MEI4: variants seen among roughly 807,000 people sequenced by gnomAD.
MEI4 encodes meiosis-specific protein MEI4.
MEI4 carries 27 observed loss-of-function variants against 31.4 expected under a neutral mutation model. The ratio of observed to expected loss-of-function variants is 0.86; its 90% CI spans 0.63 to 1.19. The LOEUF (loss-of-function observed/expected upper bound fraction) is 1.19. Among genes scored for constraint, MEI4 ranks in the 50% most tolerant of loss-of-function variants. MEI4 has a pLI of 0.00. For missense variants in MEI4, 329 were observed against 398.9 expected (o/e 0.82, Z 1.49); for synonymous variants, 122 against 145.4 (o/e 0.84, Z 1.16).
intron 1 of MEI4, among the ~76,000 whole-genome samples, chr6:77,687,773 C>A (rs1478324355): frequency 6.6e-6 from 1 of 152,070 alleles, no homozygotes; most frequent in African/African-American, 2.4e-5. Context: ...GGGGATTGCA[C>A]AGAGCTTCCA....
intron 2 of MEI4, among the ~76,000 whole-genome samples, chr6:77,696,199 G>A (rs1766035353): frequency 6.6e-6 from 1 of 152,148 alleles, no homozygotes; most frequent in African/African-American, 2.4e-5. Context: ...ATACAATCAT[G>A]TCATCTGCAA....
At chr6:77,841,617 C>T (rs1770367227) in intron 4 of MEI4, among the ~76,000 whole-genome samples, 1 of 151,732 alleles carries the variant, frequency 6.6e-6, no homozygotes, top group Admixed American at 6.6e-5. Flanking sequence ...GCAGGGATTA[C>T]AGGTGTGAGC....
At chr6:77,778,706 CAAATAAATAAATAAATAAAT>C (rs71546067) in intron 3 of MEI4, among the ~76,000 whole-genome samples, 4 of 145,688 alleles carry the variant, frequency 2.7e-5, no homozygotes, top group Non-Finnish European at 6.0e-5. Flanking sequence ...GACCCTGTCT[CAAATAAATAAATAAATAAAT>C]AAATAAATAA....
intron 4 of MEI4, among the ~76,000 whole-genome samples, chr6:77,911,658 T>C (rs943462580): frequency 6.6e-6 from 1 of 150,714 alleles, no homozygotes; most frequent in South Asian, 2.1e-4. Context: ...TCTCTTTTTA[T>C]AGCTGCAATA....
intron 2 of MEI4, among the ~76,000 whole-genome samples, chr6:77,695,791 T>C (rs968385467): frequency 9.4e-4 from 143 of 152,302 alleles, no homozygotes; most frequent in Middle Eastern, 6.8e-3. Flanking sequence ...TTTTTTCCAA[T>C]TCTGTGAAGA....
intron 3 of MEI4, among the ~76,000 whole-genome samples, chr6:77,815,821 A>G (rs1769675860): frequency 6.6e-6 from 1 of 152,032 alleles, no homozygotes; most frequent in African/African-American, 2.4e-5. Flanking sequence ...CATTTTGGCC[A>G]TCTGATAACT....
chr6:77,668,601 C>T (rs16889294), intron 1 of MEI4, among the ~76,000 whole-genome samples: 12,571 of 152,126 alleles, frequency 0.083, 717 homozygotes, highest in East Asian at 0.22. Flanking sequence ...CACTTGGCAG[C>T]CAATGAAGAG....
At chr6:77,794,825 A>G (rs1486163034) in intron 3 of MEI4, among the ~76,000 whole-genome samples, 8 of 152,198 alleles carry the variant, frequency 5.3e-5, no homozygotes, top group African/African-American at 1.9e-4. Context: ...TCTTCACGAT[A>G]GATTATATGC....
chr6:77,779,794 T>C (rs1410050499), intron 3 of MEI4, among the ~76,000 whole-genome samples: 1 of 152,194 alleles, frequency 6.6e-6, no homozygotes, highest in African/African-American at 2.4e-5. Context: ...GAACATGGCA[T>C]GCAGATGGCT....
chr6:77,746,881 T>C (rs1446260154), intron 2 of MEI4, among the ~76,000 whole-genome samples: 1 of 152,110 alleles, frequency 6.6e-6, no homozygotes, highest in Non-Finnish European at 1.5e-5. Flanking sequence ...ACATAAATTG[T>C]GTATTTTTAT....
intron 3 of MEI4, among the ~76,000 whole-genome samples, chr6:77,767,464 G>A (rs1178661309): frequency 6.6e-6 from 1 of 152,084 alleles, no homozygotes; most frequent in Non-Finnish European, 1.5e-5. Flanking sequence ...GGAGGCCGAG[G>A]CAGGCAGATC....
chr6:77,735,669 G>C (rs944697646), intron 2 of MEI4, among the ~76,000 whole-genome samples: 1 of 152,036 alleles, frequency 6.6e-6, no homozygotes, highest in African/African-American at 2.4e-5. Flanking sequence ...TTGTTCCATT[G>C]CTGGTGAGGA....
At chr6:77,704,456 G>A (rs991648142) in intron 2 of MEI4, among the ~76,000 whole-genome samples, 1 of 152,190 alleles carries the variant, frequency 6.6e-6, no homozygotes, top group African/African-American at 2.4e-5. Context: ...TAAATGGAAT[G>A]GGGTTCCTAT....
At chr6:77,714,771 C>T (rs1766542974) in intron 2 of MEI4, among the ~76,000 whole-genome samples, 2 of 152,192 alleles carry the variant, frequency 1.3e-5, no homozygotes, top group Non-Finnish European at 1.5e-5. Flanking sequence ...GTGCCCTCAT[C>T]TGTGCTTCTT....
chr6:77,744,095 A>G (rs1039041286), intron 2 of MEI4, among the ~76,000 whole-genome samples: 6 of 152,236 alleles, frequency 3.9e-5, no homozygotes, highest in Admixed American at 6.5e-5. Flanking sequence ...GTTCCTCACC[A>G]GCAATGGAAC....
intron 4 of MEI4, among the ~76,000 whole-genome samples, chr6:77,916,041 G>C (rs528876388): frequency 6.6e-6 from 1 of 151,956 alleles, no homozygotes; most frequent in Admixed American, 6.6e-5. Context: ...GCTTGACCTA[G>C]TTGATTGAAG....
At chr6:77,849,727 G>C (rs765145237) in intron 4 of MEI4, among the ~76,000 whole-genome samples, 1 of 152,082 alleles carries the variant, frequency 6.6e-6, no homozygotes, top group African/African-American at 2.4e-5. Context: ...GATATTTAGC[G>C]GTGCCTGGAA....
At chr6:77,778,136 G>A (rs377468221) in intron 3 of MEI4, among the ~76,000 whole-genome samples, 3 of 150,882 alleles carry the variant, frequency 2.0e-5, no homozygotes, top group Admixed American at 1.3e-4. Context: ...AAGAGAGTGC[G>A]GGGCGGGGGG....
At chr6:77,711,811 T>C (rs199905112) in intron 2 of MEI4, among the ~76,000 whole-genome samples, 1 of 152,194 alleles carries the variant, frequency 6.6e-6, no homozygotes, top group Non-Finnish European at 1.5e-5. Flanking sequence ...CTTTAAAAAA[T>C]TAGAAATAGT....
Sources: allele counts gnomAD v4.1 joint callset (sites outside exome capture counted in the v4.1 genomes callset), GRCh38; gene constraint gnomAD v4.1.1; transcripts MANE v1.5; gene names NCBI Gene and HGNC (gene_info 2026-07-23, HGNC 2026-07-21).